Variants in SORCS3 observed in about 807,000 individuals in gnomAD.
The protein encoded by SORCS3 is sortilin related VPS10 domain containing receptor 3, also known as VPS10 domain-containing receptor SorCS3.
A neutral mutation model predicts 146.3 loss-of-function variants in SORCS3; 57 were observed. The observed-to-expected ratio is 0.39, with a 90% CI of 0.31 to 0.49. SORCS3 has a LOEUF of 0.49. Ranked by LOEUF, SORCS3 falls within the 20% of genes least tolerant of loss-of-function variation. The probability of loss-of-function intolerance (pLI) is 0.92; values close to 1 mark genes in which losing one functional copy is unlikely to be tolerated. For synonymous variants in SORCS3, 653 were observed against 618.5 expected, an observed-to-expected ratio of 1.06 and a Z score of -0.83; for missense variants, 1,341 against 1,575.5, an observed-to-expected ratio of 0.85 and a Z score of 2.52.
chr10:104,946,325 T>C (rs1257933082), intron 3 of SORCS3, among the ~76,000 whole-genome samples: 2 of 152,128 alleles, frequency 1.3e-5, no homozygotes, highest in Admixed American at 6.6e-5. Flanking sequence ...GGGACCCCTC[T>C]GCACCCTCCT....
chr10:105,185,990 T>C (rs1426604611), intron 14 of SORCS3, among the ~76,000 whole-genome samples: 1 of 152,230 alleles, frequency 6.6e-6, no homozygotes, highest in African/African-American at 2.4e-5. Flanking sequence ...TGGCATGTTG[T>C]CATGATATAA....
intron 5 of SORCS3, among the ~76,000 whole-genome samples, chr10:105,045,143 G>A (rs2055362512): frequency 6.6e-6 from 1 of 152,108 alleles, no homozygotes; most frequent in Non-Finnish European, 1.5e-5. Context: ...GGTTAGTAGA[G>A]GAGGAAAGCA....
At chr10:105,021,324 T>A (rs2055196377) in intron 4 of SORCS3, among the ~76,000 whole-genome samples, 1 of 152,176 alleles carries the variant, frequency 6.6e-6, no homozygotes, top group African/African-American at 2.4e-5. Context: ...TAAGCCCTTG[T>A]ATGATCTATA....
At chr10:104,904,949 A>G (rs2018889955) in intron 2 of SORCS3, among the ~76,000 whole-genome samples, 1 of 152,118 alleles carries the variant, frequency 6.6e-6, no homozygotes, top group Non-Finnish European at 1.5e-5. Context: ...TCAGATCTTG[A>G]AAGGGACACT....
At chr10:104,847,550 T>A (rs956981576) in intron 2 of SORCS3, among the ~76,000 whole-genome samples, 3 of 152,166 alleles carry the variant, frequency 2.0e-5, no homozygotes, top group African/African-American at 7.2e-5. Context: ...AGGTGTGAGG[T>A]CACCACAGGT....
intron 13 of SORCS3, among the ~76,000 whole-genome samples, chr10:105,174,456 A>G (rs1371092009): frequency 1.3e-5 from 2 of 152,158 alleles, no homozygotes; most frequent in Non-Finnish European, 1.5e-5. Flanking sequence ...AATAATAATA[A>G]TAAGTTTCAC....
chr10:104,650,452 G>T (rs1175533062), intron 1 of SORCS3, among the ~76,000 whole-genome samples: 1 of 151,298 alleles, frequency 6.6e-6, no homozygotes, highest in Admixed American at 6.6e-5. Flanking sequence ...TTTCAATCCT[G>T]GGGGGGGCTG....
At chr10:105,049,073 T>C (rs1485521511) in intron 5 of SORCS3, among the ~76,000 whole-genome samples, 1 of 152,156 alleles carries the variant, frequency 6.6e-6, no homozygotes, top group African/African-American at 2.4e-5. Flanking sequence ...AATTATTTTC[T>C]TGGACCAGTG....
chr10:104,985,351 C>G (rs2054956052), intron 4 of SORCS3, among the ~76,000 whole-genome samples: 1 of 152,116 alleles, frequency 6.6e-6, no homozygotes, highest in African/African-American at 2.4e-5. Flanking sequence ...CATGATATTG[C>G]AGCAATTTAG....
At chr10:104,759,367 G>A (rs1157535377) in intron 1 of SORCS3, among the ~76,000 whole-genome samples, 2 of 152,176 alleles carry the variant, frequency 1.3e-5, no homozygotes, top group African/African-American at 4.8e-5. Context: ...CTTTGTTACA[G>A]TAGTCTTAGC....
At chr10:104,838,825 G>C (rs1387381792) in intron 1 of SORCS3, among the ~76,000 whole-genome samples, 3 of 151,922 alleles carry the variant, frequency 2.0e-5, no homozygotes, top group Non-Finnish European at 1.5e-5. Context: ...ATCCTACTCA[G>C]GGTCCATCGA....
At chr10:104,668,454 T>C (rs1378706123) in intron 1 of SORCS3, among the ~76,000 whole-genome samples, 1 of 152,228 alleles carries the variant, frequency 6.6e-6, no homozygotes, top group Non-Finnish European at 1.5e-5. Context: ...TTTAGCCTCT[T>C]ACTAGCTATA....
intron 1 of SORCS3, among the ~76,000 whole-genome samples, chr10:104,647,820 C>T (rs1414507146): frequency 6.6e-6 from 1 of 152,216 alleles, no homozygotes; most frequent in Admixed American, 6.5e-5. Context: ...GGTCTCTACA[C>T]TACTTAGTAA....
At position 105,102,731 on chromosome 10, in the gene SORCS3, T is replaced by G. The variant is rs1046000360; in HGVS notation, c.1094-2666T>G. On this transcript the variant is annotated intron_variant, in intron 6 of 26. Transcript: ENST00000369701. ...CTGGGTTTCATTTGGAGTGTTGGCCTCAAGGTGTTTGGCCTGTACCATCTT... is the reference window on the plus strand; with the variant it reads ...CTGGGTTTCATTTGGAGTGTTGGCCGCAAGGTGTTTGGCCTGTACCATCTT... Among the ~76,000 whole-genome samples the G allele has an allele frequency of 2.0e-5, 3 of 147,808 alleles. No homozygotes were observed. The East Asian group carries it at 6.1e-4, about 30-fold the overall frequency.
chr10:104,912,551 A>G (rs983107134), intron 2 of SORCS3, among the ~76,000 whole-genome samples: 1 of 152,204 alleles, frequency 6.6e-6, no homozygotes, highest in Admixed American at 6.5e-5. Context: ...TTTTCTAGGC[A>G]TTGTTTGCTG....
chr10:105,048,651 G>A (rs921608611), intron 5 of SORCS3, among the ~76,000 whole-genome samples: 15 of 151,754 alleles, frequency 9.9e-5, no homozygotes, highest in African/African-American at 2.7e-4. Context: ...TAACCTGCAT[G>A]TTGTGCACAT....
chr10:104,804,120 C>T (rs1210913796), intron 1 of SORCS3, among the ~76,000 whole-genome samples: 2 of 152,140 alleles, frequency 1.3e-5, no homozygotes, highest in African/African-American at 4.8e-5. Flanking sequence ...TTTCTTAGGG[C>T]TTTTCAATTT....
chr10:105,100,025 A>G (rs2055772296), intron 6 of SORCS3, among the ~76,000 whole-genome samples: 1 of 152,180 alleles, frequency 6.6e-6, no homozygotes, highest in South Asian at 2.1e-4. Context: ...TTCTCACCAT[A>G]TGAGATCCTT....
chr10:105,116,819 G>A (rs958843286), intron 7 of SORCS3, among the ~76,000 whole-genome samples: 7 of 152,166 alleles, frequency 4.6e-5, no homozygotes, highest in Non-Finnish European at 1.0e-4. Flanking sequence ...TCACTTGTAA[G>A]TGGGAGTTAA....
Sources: gnomAD v4.1 joint callset for allele counts (sites outside exome capture counted in the v4.1 genomes callset) on GRCh38, gnomAD v4.1.1 for gene constraint, MANE v1.5 for transcripts, NCBI Gene and HGNC (gene_info 2026-07-23, HGNC 2026-07-21) for gene names.